The following CIMIP4 variants were observed in gnomAD, a reference collection of about 807,000 sequenced individuals.
CIMIP4 encodes protein EAN57.
the CIMIP4 span, chr22:37,000,053 A>G: frequency 3.1e-5 from 48 of 1,540,744 alleles, no homozygotes; most frequent in Admixed American, 3.5e-4. Context: ...TCTCCCTCCA[A>G]CTCCTCCTCC....
chr22:36,994,873 A>T, the CIMIP4 span, among the ~76,000 whole-genome samples: 1 of 149,432 alleles, frequency 6.7e-6, no homozygotes, highest in Non-Finnish European at 1.5e-5. Flanking sequence ...CTCATGATCC[A>T]CCCGCCTCGG....
At chr22:37,006,053 C>T in the CIMIP4 span, among the ~76,000 whole-genome samples, 1 of 152,274 alleles carries the variant, frequency 6.6e-6, no homozygotes, top group East Asian at 1.9e-4. Flanking sequence ...GATATATCCT[C>T]TTAACAGAAC....
the CIMIP4 span, among the ~76,000 whole-genome samples, chr22:37,005,605 G>A: frequency 1.3e-5 from 2 of 151,336 alleles, no homozygotes; most frequent in African/African-American, 4.9e-5. Flanking sequence ...CAGTGAGTGA[G>A]GGCCCAAATG....
At chr22:36,993,528 T>C in the CIMIP4 span, among the ~76,000 whole-genome samples, 1 of 149,730 alleles carries the variant, frequency 6.7e-6, no homozygotes, top group South Asian at 2.1e-4. Context: ...CAGCACACCA[T>C]CCTGGCTAAC....
At chr22:36,991,289 G>A in the CIMIP4 span, 1 of 1,613,926 alleles carries the variant, frequency 6.2e-7, no homozygotes, top group Non-Finnish European at 8.5e-7. Context: ...ACAGCGAGCA[G>A]GAGAAGAGCC....
the CIMIP4 span, among the ~76,000 whole-genome samples, chr22:37,005,508 G>C: frequency 1.3e-5 from 2 of 151,366 alleles, no homozygotes; most frequent in African/African-American, 4.8e-5. Context: ...GAGTCTATAA[G>C]GATTTTGAGA....
the CIMIP4 span, among the ~76,000 whole-genome samples, chr22:36,997,063 T>C: frequency 6.6e-6 from 1 of 152,236 alleles, no homozygotes; most frequent in Admixed American, 6.5e-5. Context: ...AAGGAATGCC[T>C]GAGCTCGTCA....
At chr22:37,001,753 T>G in the CIMIP4 span, 3 of 1,338,492 alleles carry the variant, frequency 2.2e-6, no homozygotes, top group Admixed American at 5.7e-5. Flanking sequence ...GGTATTATTA[T>G]AGGGACTCTG....
chr22:36,999,314 A>C, the CIMIP4 span, among the ~76,000 whole-genome samples: 24 of 148,960 alleles, frequency 1.6e-4, no homozygotes, highest in Non-Finnish European at 3.0e-4. Flanking sequence ...AAAAAAAAAA[A>C]ACAGAAAAGA....
chr22:36,991,572 C>A, the CIMIP4 span: 1 of 1,614,194 alleles, frequency 6.2e-7, no homozygotes, highest in Non-Finnish European at 8.5e-7. Context: ...TCATGAGGCT[C>A]TTTGTCTCCT....
the CIMIP4 span, among the ~76,000 whole-genome samples, chr22:36,994,471 G>A: frequency 1.3e-5 from 2 of 152,074 alleles, no homozygotes; most frequent in East Asian, 1.9e-4. Context: ...CATTACAGGC[G>A]TGCGCCATCA....
At chr22:36,991,649 A>G in the CIMIP4 span, 2 of 1,359,516 alleles carry the variant, frequency 1.5e-6, no homozygotes, top group African/African-American at 2.9e-5. Flanking sequence ...CGGGTACTCC[A>G]TGGCTTATAT....
chr22:37,001,889 ATGT>A, the CIMIP4 span: 1 of 1,611,382 alleles, frequency 6.2e-7, no homozygotes. Flanking sequence ...CTTGTGGCGA[ATGT>A]TGTTAGGAAT....
At chr22:36,991,444 A>T in the CIMIP4 span, 1 of 1,595,146 alleles carries the variant, frequency 6.3e-7, no homozygotes, top group South Asian at 1.1e-5. Flanking sequence ...GGTGGAGGAC[A>T]GTCCCTGCCT....
chr22:36,991,257 A>AT, the CIMIP4 span: 1 of 1,613,898 alleles, frequency 6.2e-7, no homozygotes, highest in South Asian at 1.1e-5. Context: ...GGTTCATAGC[A>AT]TTTTTCTGGT....
the CIMIP4 span, among the ~76,000 whole-genome samples, chr22:37,005,548 A>G: frequency 8.6e-6 from 1 of 115,858 alleles, no homozygotes; most frequent in Non-Finnish European, 1.8e-5. Context: ...AAATCACCTT[A>G]AACAGTTTTT....
chr22:36,996,221 C>T, the CIMIP4 span, among the ~76,000 whole-genome samples: 3 of 145,784 alleles, frequency 2.1e-5, no homozygotes, highest in Non-Finnish European at 4.6e-5. Context: ...AGAGCAGTAC[C>T]TGGCATATGT....
At chr22:37,000,671 G>GTC in the CIMIP4 span, among the ~76,000 whole-genome samples, 1 of 152,316 alleles carries the variant, frequency 6.6e-6, no homozygotes, top group Non-Finnish European at 1.5e-5. Context: ...CTGGCTCAAT[G>GTC]ACACTTGTGA....
the CIMIP4 span, among the ~76,000 whole-genome samples, chr22:37,003,577 G>A: frequency 6.6e-6 from 1 of 152,088 alleles, no homozygotes; most frequent in Admixed American, 6.6e-5. Context: ...TCCACTCCTT[G>A]GGCTACACTA....
Sources: allele counts gnomAD v4.1 joint callset (sites outside exome capture counted in the v4.1 genomes callset), GRCh38; gene constraint gnomAD v4.1.1; transcripts MANE v1.5; gene names NCBI Gene and HGNC (gene_info 2026-07-23, HGNC 2026-07-21).